The following SLC6A16 variants were observed in gnomAD, a reference collection of about 807,000 sequenced individuals.
SLC6A16 encodes solute carrier family 6 member 16, also known as orphan sodium- and chloride-dependent neurotransmitter transporter NTT5.
Under a neutral mutation model 65.4 loss-of-function variants are expected in SLC6A16, and 54 were observed. The observed-to-expected ratio is 0.83, with a 90% CI of 0.66 to 1.04. The LOEUF is 1.04. SLC6A16 is among the 50% of genes least tolerant of loss of function. SLC6A16 has a pLI of 0.00. For missense variants in SLC6A16, 816 were observed against 914.0 expected (o/e 0.89, Z 1.38); for synonymous variants, 330 against 346.5 (o/e 0.95, Z 0.53).
Position 49,292,784 on chromosome 19 carries a change from G to A in SLC6A16, c.1778+439C>T, listed in dbSNP as rs1321759885. Among the ~76,000 whole-genome samples the A allele has an allele frequency of 6.6e-6, 1 of 152,162 alleles. No homozygotes were observed. Among genetic ancestry groups the A allele is most frequent in the Non-Finnish European group, 1.5e-5 (1 of 68,044 alleles). On this transcript the variant is annotated intron_variant, in intron 10 of 11. Transcript: ENST00000335875. This position sits in a 1 kb window ranked among gnomAD's most constrained non-coding sequence, Gnocchi z 4.3. ...ACTCCCTCCCTCCTATCATTCAGGA[G>A]TCTGCTCACATGTCACCTTATCGGA...
chr19:49,337,155 G>T, the SLC6A16 span: 5 of 1,614,090 alleles, frequency 3.1e-6, no homozygotes, highest in African/African-American at 5.3e-5. Flanking sequence ...AGTATTTTGG[G>T]ATGCTGCTGC....
chr19:49,335,397 T>A, the SLC6A16 span: 43 of 689,924 alleles, frequency 6.2e-5, no homozygotes, highest in Non-Finnish European at 9.6e-5. This position sits in a 1 kb window ranked among gnomAD's most constrained non-coding sequence, Gnocchi z 4.6. Flanking sequence ...GCCCCACCCC[T>A]GGAACTTCCT....
intron 7 of SLC6A16, among the ~76,000 whole-genome samples, chr19:49,308,136 C>A (rs1482810878): frequency 6.6e-6 from 1 of 151,474 alleles, no homozygotes; most frequent in Non-Finnish European, 1.5e-5. Flanking sequence ...TGACAGAAAT[C>A]CCCAATTCAG....
chr19:49,330,405 T>A, the SLC6A16 span, among the ~76,000 whole-genome samples: 1 of 152,126 alleles, frequency 6.6e-6, no homozygotes, highest in Non-Finnish European at 1.5e-5. Context: ...CGATGAACAC[T>A]ATGGCACTGC....
chr19:49,314,038 G>C (rs1374661599), intron 1 of SLC6A16, among the ~76,000 whole-genome samples: 1 of 151,740 alleles, frequency 6.6e-6, no homozygotes, highest in Non-Finnish European at 1.5e-5. Context: ...GGAGTTTGCA[G>C]TGAGCTGAGA....
the SLC6A16 span, among the ~76,000 whole-genome samples, chr19:49,331,116 G>A: frequency 1.2e-4 from 18 of 152,220 alleles, no homozygotes; most frequent in African/African-American, 2.9e-4. Context: ...GTGTCAGCAC[G>A]CCACTTCCTT....
Position 49,290,604 on chromosome 19 carries a change from C to G in SLC6A16, c.1941+1G>C. 1.2e-6 allele frequency: 2 copies of G among 1,613,966 alleles called. No individual in the cohort carries two copies. The highest frequency in any genetic ancestry group is 2.7e-5 in the African/African-American group (2 of 75,000). On this transcript the variant is annotated splice_donor_variant, in intron 11 of 11. Transcript: ENST00000335875. LOFTEE classifies it high-confidence loss of function. Reference sequence around the variant, plus strand: ...GGTTCTGGGTCCTGGGGGAGGCTCACGGTGCTTGAGTCCCAGGACATGTAG... The same window carrying G: ...GGTTCTGGGTCCTGGGGGAGGCTCAGGGTGCTTGAGTCCCAGGACATGTAG...
At position 49,314,055 on chromosome 19, in the gene SLC6A16, C is replaced by T. The variant is rs139788371; in HGVS notation, c.-64-2644G>A. 1.2e-4 allele frequency among the ~76,000 whole-genome samples: 18 copies of T among 150,732 alleles called. No individual in the cohort carries two copies. In the East Asian group the frequency reaches 3.5e-3, roughly 29 times the overall value. On this transcript the variant is annotated intron_variant, in intron 1 of 11. Transcript: ENST00000335875. The stretch of plus-strand genomic sequence containing the variant: ...AGTTTGCAGTGAGCTGAGATCACGC[C>T]ACTACACTCCAGCCTGGGCAACAGA...
In SLC6A16 at chr19:49,290,162, A is replaced by G. The variant is rs375263424; in HGVS notation, c.2172T>C (p.Asp724=). ...EVQKEEILQV[D]ETKYPSTCNV... is the part of the protein sequence containing the mutation. Reference sequence around the variant, plus strand: ...TACAAGTTGATGGGTACTTTGTTTCATCAACTTGTAGAATTTCTTCCTTTT... The same window carrying G: ...TACAAGTTGATGGGTACTTTGTTTCGTCAACTTGTAGAATTTCTTCCTTTT... Residue 724 remains aspartate, a synonymous_variant, in exon 12 of 12, where the codon GAT becomes GAC. Coordinates refer to ENST00000335875, the MANE Select transcript of SLC6A16 (RefSeq NM_014037.3). 4 of 1,614,050 alleles carry G rather than the reference A, an allele frequency of 2.5e-6. No homozygotes were observed. The highest frequency in any genetic ancestry group is 3.4e-6 in the Non-Finnish European group (4 of 1,180,016).
chr19:49,308,551 T>C (rs1465752584), intron 7 of SLC6A16, among the ~76,000 whole-genome samples: 1 of 152,158 alleles, frequency 6.6e-6, no homozygotes, highest in Non-Finnish European at 1.5e-5. Context: ...TTGGATGGTA[T>C]TTTGTTGTGT....
At chr19:49,339,830 C>G in the SLC6A16 span, 15 of 1,337,422 alleles carry the variant, frequency 1.1e-5, no homozygotes, top group Middle Eastern at 2.9e-4. This position sits in a 1 kb window ranked among gnomAD's most constrained non-coding sequence, Gnocchi z 4.5. Flanking sequence ...GGTGCCTGCC[C>G]CAACTGGGGA....
At chr19:49,336,810 C>A in the SLC6A16 span, 1 of 1,340,850 alleles carries the variant, frequency 7.5e-7, no homozygotes, top group South Asian at 1.3e-5. Flanking sequence ...AGAGGGGCAC[C>A]AAGATACTGC....
rs767203341 is a variant in SLC6A16, at chr19:49,294,325, T to A, written c.1416+42A>T. ...CTAAAATTTCTGTTGTGCTAAAGGC[T>A]TTCAGGAACTCTAGGCTCCCCCCTC... On this transcript the variant is annotated intron_variant, in intron 8 of 11. Transcript: ENST00000335875. 56 of 1,589,140 alleles carry A rather than the reference T, an allele frequency of 3.5e-5. No homozygotes were observed. The South Asian group carries it at 6.0e-4, about 17-fold the overall frequency.
At chr19:49,323,618 C>T (rs1016111744) in intron 1 of SLC6A16, among the ~76,000 whole-genome samples, 3 of 152,122 alleles carry the variant, frequency 2.0e-5, no homozygotes, top group African/African-American at 7.2e-5. Flanking sequence ...AGATGTTCAA[C>T]GTCACTAATC....
chr19:49,309,693 A>G lies in SLC6A16; in HGVS notation c.834T>C (p.Leu278=). ...GCCCATTGATCATGAAAGCACCAAC[A>G]AGACACCAGCAAAGAAAGAAGGGCA... The part of the protein sequence containing the change: ...LVLPFFLCWC[L]VGAFMINGLK... The change falls in exon 5 of 12, where the codon CTT becomes CTC. Residue 278 remains leucine (L), a synonymous_variant. Coordinates refer to ENST00000335875, the MANE Select transcript of SLC6A16 (RefSeq NM_014037.3). 3 of 1,614,114 alleles carry G rather than the reference A, an allele frequency of 1.9e-6. No individual in the cohort carries two copies. Among genetic ancestry groups the G allele is most frequent in the South Asian group, 2.2e-5 (2 of 91,084 alleles).
chr19:49,331,553 G>A, the SLC6A16 span: 2,393 of 353,900 alleles, frequency 6.8e-3, 12 homozygotes, highest in Non-Finnish European at 0.011. Flanking sequence ...GGATGTTTAA[G>A]GTTAGCTGAT....
the SLC6A16 span, chr19:49,338,724 C>G: frequency 6.2e-7 from 1 of 1,612,542 alleles, no homozygotes; most frequent in East Asian, 2.2e-5. This position sits in a 1 kb window ranked among gnomAD's most constrained non-coding sequence, Gnocchi z 5.0. Context: ...CTGGCACTAC[C>G]CGCAGGACTG....
At chr19:49,339,279 G>C in the SLC6A16 span, 2 of 1,529,258 alleles carry the variant, frequency 1.3e-6, no homozygotes, top group Non-Finnish European at 1.8e-6. This position sits in a 1 kb window ranked among gnomAD's most constrained non-coding sequence, Gnocchi z 4.5. Flanking sequence ...GCTGGGCCTG[G>C]GCTTGAGAGT....
intron 7 of SLC6A16, among the ~76,000 whole-genome samples, chr19:49,308,417 C>T (rs1010951993): frequency 6.6e-6 from 1 of 152,108 alleles, no homozygotes; most frequent in African/African-American, 2.4e-5. Flanking sequence ...CGCGCCACTG[C>T]ACTCCAGCCT....
Sources: gnomAD v4.1 joint callset for allele counts (sites outside exome capture counted in the v4.1 genomes callset) on GRCh38, gnomAD v4.1.1 for gene constraint, Gnocchi (gnomAD v3.1) non-coding constraint, MANE v1.5 for transcripts, NCBI Gene and HGNC (gene_info 2026-07-23, HGNC 2026-07-21) for gene names.